Variants in ANO10 observed in about 807,000 individuals in gnomAD.
ANO10 encodes the protein anoctamin-10.
ANO10 carries 77 observed loss-of-function variants against 74.7 expected under a neutral mutation model. The observed-to-expected ratio is 1.03, with a 90% CI of 0.86 to 1.25. The LOEUF is 1.25. Ranked by LOEUF, ANO10 falls within the 50% of genes most tolerant of loss-of-function variation. ANO10 has a pLI of 0.00. For synonymous variants in ANO10, 279 were observed against 284.9 expected (o/e 0.98, Z 0.21); for missense variants, 721 against 778.1 (o/e 0.93, Z 0.87).
At chr3:43,546,841 AG>A (rs2079215737) in intron 11 of ANO10, among the ~76,000 whole-genome samples, 1 of 152,164 alleles carries the variant, frequency 6.6e-6, no homozygotes, top group South Asian at 2.1e-4. Context: ...TGAAAATCCC[AG>A]GAGAAGAGAG....
At chr3:43,475,844 T>A (rs559721026) in intron 11 of ANO10, among the ~76,000 whole-genome samples, 60 of 152,228 alleles carry the variant, frequency 3.9e-4, no homozygotes, top group African/African-American at 1.3e-3. Context: ...TCGAGTGATC[T>A]GCCCACTTCA....
At chr3:43,405,438 C>T (rs2092559469) in intron 12 of ANO10, among the ~76,000 whole-genome samples, 1 of 152,188 alleles carries the variant, frequency 6.6e-6, no homozygotes, top group Non-Finnish European at 1.5e-5. Context: ...AGACTCAAAG[C>T]TTTCTGTTAA....
chr3:43,398,269 G>A (rs1395526356), intron 12 of ANO10, among the ~76,000 whole-genome samples: 3 of 152,144 alleles, frequency 2.0e-5, no homozygotes, highest in African/African-American at 4.8e-5. Context: ...CTGTTTTCAT[G>A]TCCATTTTAT....
chr3:43,471,309 G>T (rs1181550412), intron 11 of ANO10, among the ~76,000 whole-genome samples: 1 of 151,990 alleles, frequency 6.6e-6, no homozygotes, highest in Non-Finnish European at 1.5e-5. Flanking sequence ...TTCCTTACTT[G>T]CTTGCCATAA....
intron 1 of ANO10, among the ~76,000 whole-genome samples, chr3:43,628,397 T>G (rs1277193701): frequency 6.6e-6 from 1 of 152,246 alleles, no homozygotes; most frequent in African/African-American, 2.4e-5. Context: ...TTTACTTTAA[T>G]TTCTTAATCC....
chr3:43,404,058 G>A (rs780458523), intron 12 of ANO10, among the ~76,000 whole-genome samples: 3 of 152,150 alleles, frequency 2.0e-5, no homozygotes, highest in Non-Finnish European at 4.4e-5. Context: ...GATGTTTTCA[G>A]ATGTAATTAA....
At chr3:43,686,245 A>T (rs2084273206) in intron 1 of ANO10, among the ~76,000 whole-genome samples, 1 of 152,178 alleles carries the variant, frequency 6.6e-6, no homozygotes, top group African/African-American at 2.4e-5. Context: ...TTGGAACCAC[A>T]GAATACTAGA....
chr3:43,612,793 C>G (rs2082891557), intron 1 of ANO10, among the ~76,000 whole-genome samples: 2 of 152,180 alleles, frequency 1.3e-5, no homozygotes, highest in Admixed American at 1.3e-4. Flanking sequence ...CTGGCTTGAA[C>G]CATTCAACTT....
intron 11 of ANO10, among the ~76,000 whole-genome samples, chr3:43,508,754 T>C (rs184774509): frequency 1.4e-3 from 190 of 140,042 alleles, no homozygotes; most frequent in African/African-American, 5.0e-3. Context: ...TGAGAACACC[T>C]GGACACAGGA....
intron 1 of ANO10, chr3:43,691,216 C>A: frequency 1.8e-6 from 1 of 543,080 alleles, no homozygotes; most frequent in Non-Finnish European, 2.9e-6. Flanking sequence ...CGGCGCCGCT[C>A]TGCCTGGGAG....
upstream of ANO10, among the ~76,000 whole-genome samples, chr3:43,623,939 T>C (rs1161668165): frequency 1.3e-5 from 2 of 152,244 alleles, no homozygotes; most frequent in Non-Finnish European, 2.9e-5. Context: ...TAAATTGTAC[T>C]CTTCTTATCT....
intron 1 of ANO10, among the ~76,000 whole-genome samples, chr3:43,631,700 T>A (rs1207681722): frequency 6.6e-6 from 1 of 150,510 alleles, no homozygotes; most frequent in Non-Finnish European, 1.5e-5. Flanking sequence ...CACACCCAAC[T>A]TACCTCAATG....
At chr3:43,396,072 A>ATTTTT (rs147741860) in intron 12 of ANO10, among the ~76,000 whole-genome samples, 3 of 145,532 alleles carry the variant, frequency 2.1e-5, no homozygotes, top group East Asian at 2.1e-4. Context: ...TAATTTATTT[A>ATTTTT]TTTATTTTTT....
chr3:43,372,694 A>T, intron 12 of ANO10: 1 of 660,840 alleles, frequency 1.5e-6, no homozygotes, highest in Non-Finnish European at 2.6e-6. Flanking sequence ...CATTGTTTGC[A>T]GATTTTTTTT....
intron 1 of ANO10, among the ~76,000 whole-genome samples, chr3:43,680,618 G>A (rs1226660561): frequency 6.6e-6 from 1 of 152,108 alleles, no homozygotes; most frequent in African/African-American, 2.4e-5. Flanking sequence ...GCAACTCCAA[G>A]ACACATATTT....
chr3:43,514,489 T>C (rs889802835), intron 11 of ANO10, among the ~76,000 whole-genome samples: 2 of 152,064 alleles, frequency 1.3e-5, no homozygotes, highest in African/African-American at 4.8e-5. Flanking sequence ...CAAAAAGTGA[T>C]AGAACTGCAG....
chr3:43,598,901 T>C (rs1272975078), intron 3 of ANO10, among the ~76,000 whole-genome samples: 1 of 152,228 alleles, frequency 6.6e-6, no homozygotes, highest in African/African-American at 2.4e-5. Context: ...TTAATACTTA[T>C]ATTAGAAACA....
intron 11 of ANO10, chr3:43,485,106 C>A: frequency 9.9e-7 from 1 of 1,005,282 alleles, no homozygotes; most frequent in Non-Finnish European, 1.5e-6. Flanking sequence ...TTGCTGGCTG[C>A]GATCACCTCC....
At chr3:43,464,696 G>A (rs897839401) in intron 11 of ANO10, among the ~76,000 whole-genome samples, 6 of 151,862 alleles carry the variant, frequency 4.0e-5, no homozygotes, top group African/African-American at 1.5e-4. Context: ...ATGCAAGATT[G>A]GTTTTACATT....
Sources: gnomAD v4.1 joint callset for allele counts (sites outside exome capture counted in the v4.1 genomes callset) on GRCh38, gnomAD v4.1.1 for gene constraint, MANE v1.5 for transcripts, NCBI Gene and HGNC (gene_info 2026-07-23, HGNC 2026-07-21) for gene names.